MCMDC2: variants seen among roughly 807,000 people sequenced by gnomAD.
MCMDC2 encodes the protein minichromosome maintenance domain-containing protein 2.
A neutral mutation model predicts 75.8 loss-of-function variants in MCMDC2; 54 were observed. The observed-to-expected ratio is 0.71, with a 90% confidence interval of 0.57 to 0.89. MCMDC2 has a LOEUF of 0.89. MCMDC2 is among the 40% of genes least tolerant of loss of function. The probability of loss-of-function intolerance (pLI) is 0.00; values close to 1 mark genes in which losing one functional copy is unlikely to be tolerated. For missense variants in MCMDC2, 656 were observed against 780.4 expected (o/e 0.84, Z 1.90); for synonymous variants, 249 against 274.6 (o/e 0.91, Z 0.92).
chr8:66,909,536 T>C (rs555031847), intron 14 of MCMDC2, among the ~76,000 whole-genome samples: 1 of 152,240 alleles, frequency 6.6e-6, no homozygotes, highest in South Asian at 2.1e-4. Context: ...TGAGGTGGTC[T>C]CAGGTGGAGA....
intron 8 of MCMDC2, among the ~76,000 whole-genome samples, chr8:66,882,426 C>T (rs183056114): frequency 6.1e-4 from 92 of 151,926 alleles, no homozygotes; most frequent in African/African-American, 2.0e-3. Context: ...GGTGCAGTGA[C>T]GCAATCTCAG....
rs1032187239 is a variant in MCMDC2, at chr8:66,919,661, G to T, written c.*492G>T. The T allele has an allele frequency of 6.6e-6, 1 of 152,138 alleles. No homozygotes were observed. The highest frequency in any genetic ancestry group is 2.4e-5 in the African/African-American group (1 of 41,422). The allele number at this position is 152,138 out of a possible 1,614,324, so 9.4% of individuals were successfully genotyped here. A position where few individuals can be genotyped will look rare whatever the true frequency, so the allele number is the denominator to read the frequency against. On this transcript the variant is annotated 3_prime_UTR_variant, in exon 15 of 15. Transcript: ENST00000422365. ...TATAACCCGAAGCTTCAAATGTAAGGCCTTTTCATACTTTATTACTGGCCT... is the reference window on the plus strand; with the variant it reads ...TATAACCCGAAGCTTCAAATGTAAGTCCTTTTCATACTTTATTACTGGCCT...
At chr8:66,872,764 C>G (rs1187948837) in intron 1 of MCMDC2, among the ~76,000 whole-genome samples, 1 of 151,998 alleles carries the variant, frequency 6.6e-6, no homozygotes, top group Non-Finnish European at 1.5e-5. Flanking sequence ...TCGAGACCAA[C>G]CTGGCCAACA....
Position 66,874,463 on chromosome 8 carries a change from C to A in MCMDC2, c.225+7C>A. 2 of 1,610,492 alleles carry A rather than the reference C, an allele frequency of 1.2e-6. No homozygotes were observed. Among genetic ancestry groups the A allele is most frequent in the South Asian group, 2.2e-5 (2 of 89,816 alleles). On this transcript the variant is annotated splice_region_variant and intron_variant, in intron 3 of 14. Coordinates refer to ENST00000422365, the MANE Select transcript of MCMDC2 (RefSeq NM_173518.5). ...TGCTGAAGTCTTTCAATCAGTAAGT[C>A]AAAAAAAGAAATAATTTTATGCCAC... is the stretch of plus-strand genomic sequence containing the variant.
intron 14 of MCMDC2, among the ~76,000 whole-genome samples, chr8:66,911,388 T>A (rs187244975): frequency 1.1e-3 from 174 of 152,302 alleles, no homozygotes; most frequent in African/African-American, 3.9e-3. Flanking sequence ...ACTGTAAGTG[T>A]CCTGTGGCCT....
intron 13 of MCMDC2, among the ~76,000 whole-genome samples, chr8:66,902,168 AAAACAAAC>A (rs201225736): frequency 6.6e-6 from 1 of 151,820 alleles, no homozygotes. Flanking sequence ...ATCTGTATTT[AAAACAAAC>A]AAACAAACAA....
Position 66,890,897 on chromosome 8 carries a change from G to A in MCMDC2, c.1106G>A (p.Arg369His), listed in dbSNP as rs779816268. ...AATTTTAGCATAAACCTTGTCCCCC[G>A]TGGTATACGTCATCTAGTCTCTACT... ...LLNFSINLVP[R>H]GIRHLVSTEI... Residue 369 changes from arginine (R) to histidine (H), a missense_variant, in exon 10 of 15, where the codon CGT (arginine) becomes CAT (histidine). Coordinates refer to ENST00000422365, the MANE Select transcript of MCMDC2 (RefSeq NM_173518.5). 38 of 1,612,038 alleles carry A rather than the reference G, an allele frequency of 2.4e-5. No individual in the cohort carries two copies. Among genetic ancestry groups the A allele is most frequent in the African/African-American group, 9.4e-5 (7 of 74,744 alleles).
At chr8:66,914,734 A>T (rs1563391862) in intron 14 of MCMDC2, among the ~76,000 whole-genome samples, 1 of 152,216 alleles carries the variant, frequency 6.6e-6, no homozygotes, top group Admixed American at 6.5e-5. Context: ...AAGAGCAGAA[A>T]GTGGGAGACC....
Position 66,918,086 on chromosome 8 carries a change from A to C in MCMDC2, c.1880-917A>C, listed in dbSNP as rs1324043350. On this transcript the variant is annotated intron_variant, in intron 14 of 14. Transcript: ENST00000422365. ...TTGTCATTTTGTTTTTTATTTTTAT[A>C]ATAAATCCTTATAGGTGTGAGGTAG... Among the ~76,000 whole-genome samples the C allele has an allele frequency of 2.0e-5, 3 of 152,168 alleles. No homozygotes were observed. In the East Asian group the frequency reaches 5.8e-4, roughly 29 times the overall value.
At chr8:66,875,653 A>G (rs575177112) in intron 4 of MCMDC2, among the ~76,000 whole-genome samples, 2 of 152,312 alleles carry the variant, frequency 1.3e-5, no homozygotes, top group African/African-American at 4.8e-5. Context: ...GTATTATGTA[A>G]TATCCAGTTT....
rs1032566421 is a variant in MCMDC2, at chr8:66,921,691, G to T, written c.*2522G>T. On this transcript the variant is annotated 3_prime_UTR_variant, in exon 15 of 15. Transcript: ENST00000422365. ...AATAAAAAAGGTGAAACCTTTATCT[G>T]TAAGGGGGAATTTGATTGCTATTTG... 6.6e-6 allele frequency: 1 copy of T among 152,188 alleles called. No homozygotes were observed. The highest frequency in any genetic ancestry group is 1.5e-5 in the Non-Finnish European group (1 of 68,044). 9.4% of individuals were successfully genotyped at this position (152,188 alleles called of 1,614,324 possible).
At chr8:66,887,288 C>G (rs1211175625) in intron 9 of MCMDC2, among the ~76,000 whole-genome samples, 1 of 151,636 alleles carries the variant, frequency 6.6e-6, no homozygotes, top group Non-Finnish European at 1.5e-5. Context: ...GTTTATAACC[C>G]CAGCACTTTG....
chr8:66,878,922 A>G lies in MCMDC2; in HGVS notation c.709+3A>G. 2 of 1,568,954 alleles carry G rather than the reference A, an allele frequency of 1.3e-6. No homozygotes were observed. Among genetic ancestry groups the G allele is most frequent in the African/African-American group, 1.4e-5 (1 of 73,904 alleles). ...ATCACTTACAATTTTCCTAAGAGGT[A>G]AGTGAATTCTGTTTGAACTAAAAAA... On this transcript the variant is annotated splice_donor_region_variant and intron_variant, in intron 7 of 14. Coordinates refer to ENST00000422365, the MANE Select transcript of MCMDC2 (RefSeq NM_173518.5).
intron 7 of MCMDC2, among the ~76,000 whole-genome samples, chr8:66,880,496 C>T (rs1185091139): frequency 6.6e-6 from 1 of 152,156 alleles, no homozygotes; most frequent in East Asian, 1.9e-4. Flanking sequence ...AAAATTATCA[C>T]TTATAAGGTC....
At chr8:66,912,314 T>C (rs1270710265) in intron 14 of MCMDC2, among the ~76,000 whole-genome samples, 3 of 152,218 alleles carry the variant, frequency 2.0e-5, no homozygotes, top group Non-Finnish European at 4.4e-5. Flanking sequence ...TGATCAAACA[T>C]GAACGGATGA....
chr8:66,875,969 T>C (rs1484702731), intron 4 of MCMDC2, among the ~76,000 whole-genome samples: 1 of 152,194 alleles, frequency 6.6e-6, no homozygotes, highest in Non-Finnish European at 1.5e-5. Context: ...TTCAAATCAC[T>C]TGACAAGAAT....
intron 13 of MCMDC2, among the ~76,000 whole-genome samples, chr8:66,904,841 T>C (rs367908033): frequency 5.9e-5 from 9 of 152,252 alleles, no homozygotes; most frequent in African/African-American, 2.2e-4. Context: ...AATGCTGAAA[T>C]TGCAAACAAA....
chr8:66,910,601 G>C (rs1482766122), intron 14 of MCMDC2, among the ~76,000 whole-genome samples: 1 of 152,216 alleles, frequency 6.6e-6, no homozygotes, highest in Non-Finnish European at 1.5e-5. Context: ...CCTGAGGTCA[G>C]GAGTTGGAGA....
chr8:66,893,713 A>G (rs1000761841), intron 10 of MCMDC2, among the ~76,000 whole-genome samples: 2 of 152,210 alleles, frequency 1.3e-5, no homozygotes, highest in African/African-American at 4.8e-5. Context: ...GAGCCAACCC[A>G]TATCAGAGAG....
Sources: gnomAD v4.1 joint callset for allele counts (sites outside exome capture counted in the v4.1 genomes callset) on GRCh38, gnomAD v4.1.1 for gene constraint, MANE v1.5 for transcripts, NCBI Gene and HGNC (gene_info 2026-07-23, HGNC 2026-07-21) for gene names.